The following PLPP4 variants were observed in gnomAD, a reference collection of about 807,000 sequenced individuals.
The protein encoded by PLPP4 is phospholipid phosphatase 4.
Under a neutral mutation model 32.2 loss-of-function variants are expected in PLPP4, and 20 were observed. That is an observed-to-expected ratio of 0.62 (90% CI 0.44 to 0.90). The LOEUF is 0.90. PLPP4 is among the 40% of genes least tolerant of loss of function. PLPP4 has a pLI of 0.00. For missense variants in PLPP4, 257 were observed against 353.1 expected (o/e 0.73, Z 2.18); for synonymous variants, 127 against 133.0 (o/e 0.95, Z 0.31).
chr10:120,469,158 A>G lies in PLPP4; in HGVS notation c.56+11797A>G, dbSNP rs560996715. Among the ~76,000 whole-genome samples the G allele has an allele frequency of 3.7e-4, 24 of 64,526 alleles. 9 individuals carry two copies. Among genetic ancestry groups the G allele is most frequent in the African/African-American group, 7.3e-4 (22 of 30,304 alleles). 42.3% of individuals were successfully genotyped at this position (64,526 alleles called of 152,430 possible). A position where few individuals can be genotyped will look rare whatever the true frequency, so the allele number is the denominator to read the frequency against. ...GAATCATTTTGAAAATCATGAAGAA[A>G]CGTGGTGAAATTTTATGATGTAATA... On this transcript the variant is annotated intron_variant, in intron 1 of 6. Coordinates refer to ENST00000398250, the MANE Select transcript of PLPP4 (RefSeq NM_001030059.3).
chr10:120,514,829 C>G (rs540307343), intron 3 of PLPP4, among the ~76,000 whole-genome samples: 2 of 152,130 alleles, frequency 1.3e-5, no homozygotes, highest in Admixed American at 6.5e-5. Flanking sequence ...CTAAAAGTTA[C>G]CCAAATCCTC....
intron 6 of PLPP4, chr10:120,580,791 G>C: frequency 1.1e-6 from 1 of 887,230 alleles, no homozygotes; most frequent in South Asian, 1.5e-5. Context: ...CAATATGATT[G>C]TTTCTGCCAA....
chr10:120,536,592 A>G (rs941555683), intron 5 of PLPP4, among the ~76,000 whole-genome samples: 1 of 151,912 alleles, frequency 6.6e-6, no homozygotes, highest in African/African-American at 2.4e-5. Context: ...AACACCTAGA[A>G]GAAAACATAG....
chr10:120,519,475 G>A (rs78159545), intron 4 of PLPP4, among the ~76,000 whole-genome samples: 3,004 of 151,424 alleles, frequency 0.02, 93 homozygotes, highest in African/African-American at 0.067. Context: ...CTCTCAGAAC[G>A]TTAGGATTTA....
chr10:120,495,926 G>C (rs1456787641), intron 1 of PLPP4, among the ~76,000 whole-genome samples: 3 of 152,184 alleles, frequency 2.0e-5, no homozygotes, highest in Non-Finnish European at 4.4e-5. Flanking sequence ...AATGGCCTTG[G>C]AAGGTATGGC....
At chr10:120,588,986 C>T (rs1473911762) in intron 6 of PLPP4, among the ~76,000 whole-genome samples, 2 of 152,186 alleles carry the variant, frequency 1.3e-5, no homozygotes, top group African/African-American at 4.8e-5. Flanking sequence ...GCAGAGGCTG[C>T]AGTGAGGCGA....
intron 5 of PLPP4, among the ~76,000 whole-genome samples, chr10:120,560,076 G>T (rs1398226587): frequency 6.6e-5 from 10 of 152,186 alleles, no homozygotes; most frequent in Non-Finnish European, 1.0e-4. Flanking sequence ...TTGGCGGTGG[G>T]CCACAGTGAA....
At chr10:120,494,579 C>A (rs1298505267) in intron 1 of PLPP4, among the ~76,000 whole-genome samples, 1 of 152,182 alleles carries the variant, frequency 6.6e-6, no homozygotes, top group East Asian at 1.9e-4. Context: ...CAAGAAGAAC[C>A]ATCCCCAAGA....
intron 6 of PLPP4, among the ~76,000 whole-genome samples, chr10:120,577,011 A>G (rs1849253613): frequency 6.6e-6 from 1 of 152,226 alleles, no homozygotes; most frequent in Non-Finnish European, 1.5e-5. Context: ...GAGCACAGGA[A>G]CTATCCCTAA....
chr10:120,539,764 C>T (rs868677360), intron 5 of PLPP4, among the ~76,000 whole-genome samples: 4 of 152,190 alleles, frequency 2.6e-5, no homozygotes, highest in South Asian at 4.1e-4. Flanking sequence ...ATGGGCTCTC[C>T]CTCAGTTTTC....
At chr10:120,570,940 C>T (rs1206449640) in intron 5 of PLPP4, among the ~76,000 whole-genome samples, 1 of 151,980 alleles carries the variant, frequency 6.6e-6, no homozygotes, top group Non-Finnish European at 1.5e-5. Context: ...CTAGTTTAGA[C>T]CATCTTTCCT....
chr10:120,479,027 C>G (rs1351718720), intron 1 of PLPP4, among the ~76,000 whole-genome samples: 1 of 152,158 alleles, frequency 6.6e-6, no homozygotes, highest in African/African-American at 2.4e-5. Context: ...GAGATCGAGA[C>G]CATCCTGGCT....
Position 120,584,697 on chromosome 10 carries a change from C to T in PLPP4, c.617-4606C>T, listed in dbSNP as rs112569527. Among the ~76,000 whole-genome samples the T allele has an allele frequency of 2.0e-5, 3 of 152,296 alleles. 1 individual carries two copies. The highest frequency in any genetic ancestry group is 7.2e-5 in the African/African-American group (3 of 41,562). ...TGATTTTATCAAAATAGCAATAGCC[C>T]ACTTGAGGCAATTGATGACAAGCTC... On this transcript the variant is annotated intron_variant, in intron 6 of 6. Transcript: ENST00000398250.
intron 5 of PLPP4, among the ~76,000 whole-genome samples, chr10:120,572,057 A>G (rs938994051): frequency 5.9e-5 from 9 of 152,336 alleles, no homozygotes; most frequent in African/African-American, 1.9e-4. Flanking sequence ...GGGTGCCCAC[A>G]GGATCTAGGC....
At chr10:120,502,269 C>G (rs1039689456) in intron 1 of PLPP4, among the ~76,000 whole-genome samples, 6 of 152,082 alleles carry the variant, frequency 3.9e-5, no homozygotes, top group Non-Finnish European at 8.8e-5. Flanking sequence ...GTCATGGGTA[C>G]CACTGCTTTT....
rs147214828 is a variant in PLPP4 at position 120,477,422 on chromosome 10, A to C, written c.56+20061A>C. On this transcript the variant is annotated intron_variant, in intron 1 of 6. Transcript: ENST00000398250. ...TTGTGAAAGTTGTGCTCCAGAAAGA[A>C]GTGTTCCCATCGTCAGTTTTTTTGT... Among the ~76,000 whole-genome samples, 529 of 151,576 alleles carry C rather than the reference A, an allele frequency of 3.5e-3. 2 individuals are homozygous for C. Among genetic ancestry groups the C allele is most frequent in the African/African-American group, 0.012 (500 of 41,440 alleles).
intron 5 of PLPP4, among the ~76,000 whole-genome samples, chr10:120,532,561 A>G (rs1355651374): frequency 6.6e-6 from 1 of 152,136 alleles, no homozygotes; most frequent in Non-Finnish European, 1.5e-5. Flanking sequence ...AATCACCACA[A>G]TCTAATTTCA....
chr10:120,585,986 G>A (rs1849734524), intron 6 of PLPP4, among the ~76,000 whole-genome samples: 2 of 152,270 alleles, frequency 1.3e-5, no homozygotes, highest in Non-Finnish European at 2.9e-5. Flanking sequence ...ATCAGTTGTT[G>A]AAGTTTGAAC....
chr10:120,499,699 CT>C (rs1845149623), intron 1 of PLPP4, among the ~76,000 whole-genome samples: 1 of 152,114 alleles, frequency 6.6e-6, no homozygotes, highest in African/African-American at 2.4e-5. Flanking sequence ...TTTTCTGAAC[CT>C]GCTGTCTCTG....
Sources: gnomAD v4.1 joint callset for allele counts (sites outside exome capture counted in the v4.1 genomes callset) on GRCh38, gnomAD v4.1.1 for gene constraint, MANE v1.5 for transcripts, NCBI Gene and HGNC (gene_info 2026-07-23, HGNC 2026-07-21) for gene names.